AGPS: variants seen among roughly 807,000 people sequenced by gnomAD.
AGPS encodes alkylglycerone phosphate synthase.
A neutral mutation model predicts 90.7 loss-of-function variants in AGPS; 26 were observed. The observed-to-expected ratio is 0.29, with a 90% CI of 0.21 to 0.40. The LOEUF is 0.40. AGPS is among the 10% of genes least tolerant of loss of function. The pLI, the probability that AGPS is intolerant of heterozygous loss-of-function variation, is 1.00. For synonymous variants in AGPS, 294 were observed against 285.3 expected, an observed-to-expected ratio of 1.03 and a Z score of -0.31; for missense variants, 540 against 816.1, an observed-to-expected ratio of 0.66 and a Z score of 4.12.
chr2:177,526,057 A>T (rs530154212), intron 19 of AGPS, among the ~76,000 whole-genome samples: 1 of 152,304 alleles, frequency 6.6e-6, no homozygotes, highest in African/African-American at 2.4e-5. Context: ...CTCTAGTGCA[A>T]ATCTGTTTGA....
At chr2:177,494,754 C>T (rs1159505732) in intron 12 of AGPS, among the ~76,000 whole-genome samples, 1 of 152,182 alleles carries the variant, frequency 6.6e-6, no homozygotes, top group Non-Finnish European at 1.5e-5. Flanking sequence ...TGTCTCCCCT[C>T]TCTCTGCCCT....
chr2:177,495,938 A>C (rs941998068), intron 12 of AGPS, among the ~76,000 whole-genome samples: 3 of 136,972 alleles, frequency 2.2e-5, no homozygotes, highest in Non-Finnish European at 4.8e-5. Flanking sequence ...AAAAAAAAAA[A>C]CAAACCCACA....
intron 8 of AGPS, among the ~76,000 whole-genome samples, chr2:177,448,504 G>A (rs768708016): frequency 3.9e-5 from 6 of 152,022 alleles, no homozygotes; most frequent in Admixed American, 2.6e-4. Flanking sequence ...TTCAAACTCC[G>A]CATTTTAAAA....
chr2:177,418,888 C>T (rs1012457783), intron 1 of AGPS, among the ~76,000 whole-genome samples: 25 of 151,710 alleles, frequency 1.6e-4, no homozygotes, highest in African/African-American at 4.6e-4. Flanking sequence ...CCAAAAGCTC[C>T]GTTCCAAAAT....
At chr2:177,459,644 C>T (rs1257781828) in intron 8 of AGPS, among the ~76,000 whole-genome samples, 1 of 152,140 alleles carries the variant, frequency 6.6e-6, no homozygotes. Flanking sequence ...GTTAGAATGG[C>T]AATCATTAAA....
At chr2:177,456,382 A>G (rs1265978933) in intron 8 of AGPS, among the ~76,000 whole-genome samples, 1 of 152,232 alleles carries the variant, frequency 6.6e-6, no homozygotes, top group African/African-American at 2.4e-5. Flanking sequence ...CTAAATTTGC[A>G]TATTGTGGTA....
At chr2:177,481,777 G>A (rs894578840) in intron 10 of AGPS, among the ~76,000 whole-genome samples, 1 of 151,824 alleles carries the variant, frequency 6.6e-6, no homozygotes, top group Admixed American at 6.6e-5. Flanking sequence ...TACTTTAAAA[G>A]CCATTTAAAA....
chr2:177,512,234 A>G (rs1273346433), intron 16 of AGPS, among the ~76,000 whole-genome samples: 4 of 152,042 alleles, frequency 2.6e-5, no homozygotes, highest in Non-Finnish European at 5.9e-5. Flanking sequence ...CATATTAAAT[A>G]TCAGTCATCT....
chr2:177,516,738 G>A (rs1689032281), intron 17 of AGPS, among the ~76,000 whole-genome samples: 1 of 152,088 alleles, frequency 6.6e-6, no homozygotes, highest in Non-Finnish European at 1.5e-5. Flanking sequence ...ATTTATGAAT[G>A]TTAGTGATTC....
At chr2:177,441,275 T>A (rs1686593057) in intron 6 of AGPS, 1 of 456,382 alleles carries the variant, frequency 2.2e-6, no homozygotes, top group Non-Finnish European at 3.9e-6. Context: ...GAAGCTGTAA[T>A]TTAATGCCTG....
intron 1 of AGPS, among the ~76,000 whole-genome samples, chr2:177,405,232 C>T (rs1685434194): frequency 6.6e-6 from 1 of 152,234 alleles, no homozygotes; most frequent in Non-Finnish European, 1.5e-5. Flanking sequence ...AATTGAACCC[C>T]TTGTTTCCAG....
At chr2:177,410,707 G>A (rs1402399234) in intron 1 of AGPS, among the ~76,000 whole-genome samples, 1 of 152,116 alleles carries the variant, frequency 6.6e-6, no homozygotes, top group Non-Finnish European at 1.5e-5. Flanking sequence ...GACTGAGAAG[G>A]CCACACCAGT....
At chr2:177,493,334 T>C (rs1337792128) in intron 12 of AGPS, 135 bp downstream of exon 12, 13 of 804,506 alleles carry the variant, frequency 1.6e-5, no homozygotes, top group Middle Eastern at 2.3e-4. Flanking sequence ...CTAATGAAGA[T>C]AGACAATTAC....
At chr2:177,409,165 ATT>A (rs957572620) in intron 1 of AGPS, among the ~76,000 whole-genome samples, 1 of 147,650 alleles carries the variant, frequency 6.8e-6, no homozygotes. Flanking sequence ...GCTACTGCTG[ATT>A]TTTTTTTTTA....
chr2:177,461,309 T>C (rs7608135), intron 8 of AGPS, among the ~76,000 whole-genome samples: 132,005 of 152,254 alleles, frequency 0.87, 57,443 homozygotes, highest in East Asian at 0.98. Flanking sequence ...ATTTAATGTA[T>C]AGTAATGCAT....
intron 8 of AGPS, among the ~76,000 whole-genome samples, chr2:177,454,166 T>C (rs1351598062): frequency 6.6e-6 from 1 of 151,718 alleles, no homozygotes; most frequent in Non-Finnish European, 1.5e-5. Flanking sequence ...TCTTCAACTA[T>C]CCAATAAACC....
intron 8 of AGPS, 116 bp downstream of exon 8, chr2:177,445,742 T>C: frequency 4.5e-6 from 3 of 669,986 alleles, no homozygotes; most frequent in Non-Finnish European, 4.9e-6. Flanking sequence ...GAAATACCTT[T>C]TATGATACAT....
intron 19 of AGPS, among the ~76,000 whole-genome samples, chr2:177,527,257 A>G (rs939133606): frequency 1.3e-5 from 2 of 151,996 alleles, no homozygotes; most frequent in African/African-American, 4.8e-5. Context: ...GCAAAACCCC[A>G]TCTCTACAAA....
chr2:177,512,202 A>G (rs965648180), intron 16 of AGPS, among the ~76,000 whole-genome samples: 2 of 152,044 alleles, frequency 1.3e-5, no homozygotes, highest in South Asian at 4.1e-4. Flanking sequence ...TTGTTTTATA[A>G]GGTATATATT....
Sources: gnomAD v4.1 joint callset for allele counts (sites outside exome capture counted in the v4.1 genomes callset) on GRCh38, gnomAD v4.1.1 for gene constraint, MANE v1.5 for transcripts, NCBI Gene and HGNC (gene_info 2026-07-23, HGNC 2026-07-21) for gene names.